Variants in ZNF469 observed in about 807,000 individuals in gnomAD.
ZNF469 encodes the protein zinc finger protein 469.
ZNF469 carries 1 observed loss-of-function variant against 1.0 expected under a neutral mutation model. The observed-to-expected ratio is 1.00, with a 90% CI of 0.35 to 4.73. The LOEUF is 4.73. ZNF469 is among the 30% of genes most tolerant of loss of function. The pLI is 0.16. For synonymous variants in ZNF469, 2,703 were observed against 2,363.4 expected (o/e 1.14, Z -4.17); for missense variants, 6,100 against 5,356.3 (o/e 1.14, Z -4.33).
chr16:88,248,526 CT>C, the ZNF469 span, among the ~76,000 whole-genome samples: 7 of 143,022 alleles, frequency 4.9e-5, no homozygotes, highest in Non-Finnish European at 9.1e-5. Flanking sequence ...AGTGAGACCC[CT>C]GTCTCAAAAA....
the ZNF469 span, among the ~76,000 whole-genome samples, chr16:88,128,359 T>G: frequency 6.6e-6 from 1 of 152,098 alleles, no homozygotes; most frequent in Admixed American, 6.6e-5. Context: ...TACATTGAAT[T>G]CCATGATATA....
At chr16:88,256,382 A>C in the ZNF469 span, among the ~76,000 whole-genome samples, 1 of 152,230 alleles carries the variant, frequency 6.6e-6, no homozygotes, top group Non-Finnish European at 1.5e-5. Context: ...CATGGTTTGC[A>C]GCTCATTTCT....
At chr16:88,209,382 C>G in the ZNF469 span, among the ~76,000 whole-genome samples, 1 of 151,918 alleles carries the variant, frequency 6.6e-6, no homozygotes, top group Non-Finnish European at 1.5e-5. Context: ...GCTCAGCCTC[C>G]CAGGTTCATG....
chr16:88,401,398 C>G (rs1003303195), intron 1 of ZNF469, among the ~76,000 whole-genome samples: 1 of 90,304 alleles, frequency 1.1e-5, no homozygotes, highest in Non-Finnish European at 2.2e-5. Flanking sequence ...CTTGCAGGCC[C>G]AAGACCCAGA....
Position 88,439,130 on chromosome 16 carries a change from G to A in ZNF469, c.11660G>A (p.Arg3887Lys). ...AAGGCAGAGCCGGGCCACACACAGAGGAAGGACAGACTGGGCAAGGCCTTC... is the reference window on the plus strand; with the variant it reads ...AAGGCAGAGCCGGGCCACACACAGAAGAAGGACAGACTGGGCAAGGCCTTC... ...QRKAEPGHTQ[R>K]KDRLGKAFPQ... Residue 3887 changes from arginine (R) to lysine (K), a missense_variant, in exon 3 of 3, where the codon AGG (arginine) becomes AAG (lysine). Physicochemically the swap from Arg to Lys is conservative, Grantham distance 26. Transcript: ENST00000565624. 6.4e-7 allele frequency: 1 copy of A among 1,550,890 alleles called. No homozygotes were observed. The highest frequency in any genetic ancestry group is 8.7e-7 in the Non-Finnish European group (1 of 1,146,988).
the ZNF469 span, among the ~76,000 whole-genome samples, chr16:88,152,153 A>C: frequency 6.6e-6 from 1 of 152,218 alleles, no homozygotes; most frequent in African/African-American, 2.4e-5. This position sits in a 1 kb window ranked among gnomAD's most constrained non-coding sequence, Gnocchi z 4.2. Flanking sequence ...CTGTGGATGC[A>C]AAAACAATTC....
At chr16:88,284,509 G>A in the ZNF469 span, among the ~76,000 whole-genome samples, 1 of 151,732 alleles carries the variant, frequency 6.6e-6, no homozygotes, top group Non-Finnish European at 1.5e-5. Flanking sequence ...TACTTGGGAG[G>A]CTGAGGTGGG....
At chr16:88,337,340 C>G in the ZNF469 span, among the ~76,000 whole-genome samples, 1 of 152,218 alleles carries the variant, frequency 6.6e-6, no homozygotes, top group Non-Finnish European at 1.5e-5. Context: ...CCTGCACAAG[C>G]TCTCTCTTGC....
chr16:88,359,913 G>A, the ZNF469 span, among the ~76,000 whole-genome samples: 1 of 152,158 alleles, frequency 6.6e-6, no homozygotes, highest in African/African-American at 2.4e-5. Flanking sequence ...ATTTTTTGAT[G>A]CATTTCAAAG....
the ZNF469 span, among the ~76,000 whole-genome samples, chr16:88,338,117 C>T: frequency 5.9e-5 from 8 of 135,692 alleles, no homozygotes; most frequent in African/African-American, 2.6e-4. Context: ...TCCCATGGCC[C>T]ATGGGCAAAC....
At chr16:88,157,580 C>T in the ZNF469 span, among the ~76,000 whole-genome samples, 1,928 of 152,164 alleles carry the variant, frequency 0.013, 14 homozygotes, top group Non-Finnish European at 0.019. Context: ...GGCCCCCAAA[C>T]CTGCTCTTAT....
chr16:88,321,579 T>C, the ZNF469 span, among the ~76,000 whole-genome samples: 2 of 151,790 alleles, frequency 1.3e-5, no homozygotes, highest in African/African-American at 4.8e-5. Flanking sequence ...CCTCGGATTC[T>C]GCTCATAAGG....
chr16:88,151,647 T>A, the ZNF469 span, among the ~76,000 whole-genome samples: 1 of 152,222 alleles, frequency 6.6e-6, no homozygotes, highest in Non-Finnish European at 1.5e-5. The surrounding 1 kb of genome is among the most constrained non-coding windows in gnomAD (Gnocchi z 5.4). Flanking sequence ...ATTAGTATCA[T>A]AATCATTCTT....
the ZNF469 span, among the ~76,000 whole-genome samples, chr16:88,320,174 G>A: frequency 6.6e-6 from 1 of 152,256 alleles, no homozygotes; most frequent in Non-Finnish European, 1.5e-5. Flanking sequence ...TGAGTGCCTT[G>A]CACGTGTTTA....
At position 88,430,335 on chromosome 16, in the gene ZNF469, G is replaced by A; in HGVS notation, c.2865G>A (p.Arg955=). The change falls in exon 3 of 3, where the codon CGG becomes CGA. Residue 955 remains arginine, a synonymous_variant. Transcript: ENST00000565624. ...QRRGKQLKLF[R]KDLDSGGAAE... ...GGGGGAAGCAGTTGAAGCTGTTCCG[G>A]AAGGATCTGGACTCGGGCGGCGCAG... 2.0e-6 allele frequency: 3 copies of A among 1,514,878 alleles called. No homozygotes were observed. Among genetic ancestry groups the A allele is most frequent in the Non-Finnish European group, 1.8e-6 (2 of 1,135,622 alleles). The allele number at this position is 1,514,878 out of a possible 1,614,324, so 93.8% of individuals were successfully genotyped here. A position where few individuals can be genotyped will look rare whatever the true frequency, so the allele number is the denominator to read the frequency against.
At chr16:88,159,205 G>A in the ZNF469 span, among the ~76,000 whole-genome samples, 3 of 32,972 alleles carry the variant, frequency 9.1e-5, no homozygotes, top group African/African-American at 1.4e-4. Context: ...TCACAGGGCC[G>A]TGCGGACCAC....
At chr16:88,272,231 AGATG>A in the ZNF469 span, among the ~76,000 whole-genome samples, 23,290 of 111,822 alleles carry the variant, frequency 0.21, 2,279 homozygotes, top group Non-Finnish European at 0.27. Flanking sequence ...GTGGATGAGT[AGATG>A]GATGGATGAG....
At position 88,432,213 on chromosome 16, in the gene ZNF469, A is replaced by C; in HGVS notation, c.4743A>C (p.Thr1581=). ...GTCAGCTGCAAAGGAGCAAAGACAC[A>C]CGTGGGGCCCCGAGAGAGCTTGCAG... ...LESQLQRSKD[T]RGAPRELAEA... Residue 1581 remains threonine (T), a synonymous_variant, in exon 3 of 3, where the codon ACA becomes ACC. Coordinates refer to ENST00000565624, the MANE Select transcript of ZNF469 (RefSeq NM_001367624.2). 6.5e-7 allele frequency: 1 copy of C among 1,550,058 alleles called. No individual in the cohort carries two copies.
At position 88,431,436 on chromosome 16, in the gene ZNF469, C is replaced by G; in HGVS notation, c.3966C>G (p.Arg1322=). 1 of 1,550,376 alleles carries G rather than the reference C, an allele frequency of 6.5e-7. No individual in the cohort carries two copies. The highest frequency in any genetic ancestry group is 8.7e-7 in the Non-Finnish European group (1 of 1,146,996). The change falls in exon 3 of 3, where the codon CGC becomes CGG. Residue 1322 remains arginine, a synonymous_variant. Coordinates refer to ENST00000565624, the MANE Select transcript of ZNF469 (RefSeq NM_001367624.2). ...VSHNSKDPPA[R]QPGEFLAPVA... Reference sequence around the variant, plus strand: ...ACAACAGCAAGGACCCCCCTGCCCGCCAGCCTGGAGAATTTCTGGCACCCG... The same window carrying G: ...ACAACAGCAAGGACCCCCCTGCCCGGCAGCCTGGAGAATTTCTGGCACCCG...
Sources: allele counts gnomAD v4.1 joint callset (sites outside exome capture counted in the v4.1 genomes callset), GRCh38; gene constraint gnomAD v4.1.1; non-coding constraint Gnocchi (gnomAD v3.1); transcripts MANE v1.5; gene names NCBI Gene and HGNC (gene_info 2026-07-23, HGNC 2026-07-21).